The following LIN54 variants were observed in gnomAD, a reference collection of about 807,000 sequenced individuals.
The protein encoded by LIN54 is protein lin-54 homolog.
In LIN54, 9 loss-of-function variants were observed where a neutral mutation model predicts 78.7. The observed-to-expected ratio is 0.11, with a 90% CI of 0.07 to 0.20. The LOEUF is 0.20. LIN54 is among the 10% of genes least tolerant of loss of function. The probability of loss-of-function intolerance (pLI) is 1.00; values close to 1 mark genes in which losing one functional copy is unlikely to be tolerated. For missense variants in LIN54, 573 were observed against 889.9 expected, an observed-to-expected ratio of 0.64 and a Z score of 4.53; for synonymous variants, 269 against 318.4, an observed-to-expected ratio of 0.84 and a Z score of 1.65.
In LIN54 at chr4:82,979,816, A is replaced by G. The variant is rs116690328; in HGVS notation, c.685-810T>C. Among the ~76,000 whole-genome samples, 1,046 of 151,636 alleles carry G rather than the reference A, an allele frequency of 6.9e-3. 16 individuals are homozygous for G. The highest frequency in any genetic ancestry group is 0.024 in the African/African-American group (1,007 of 41,378). ...GCAGGGTGTGGTGGCGCACACCTAT[A>G]ATCTTAGCTACTCGGGAGGCTGAGG... On this transcript the variant is annotated intron_variant, in intron 2 of 12. Coordinates refer to ENST00000340417, the MANE Select transcript of LIN54 (RefSeq NM_194282.4).
At chr4:82,971,564 T>G (rs1725660957) in intron 3 of LIN54, among the ~76,000 whole-genome samples, 2 of 152,008 alleles carry the variant, frequency 1.3e-5, no homozygotes, top group South Asian at 4.1e-4. Flanking sequence ...TTTTTTACCC[T>G]TCTGAGGTTT....
chr4:82,957,968 G>A lies in LIN54; in HGVS notation c.952-11494C>T, dbSNP rs1379019645. Among the ~76,000 whole-genome samples, 3 of 152,042 alleles carry A rather than the reference G, an allele frequency of 2.0e-5. 1 individual carries two copies. Among genetic ancestry groups the A allele is most frequent in the Admixed American group, 2.0e-4 (3 of 15,262 alleles). On this transcript the variant is annotated intron_variant, in intron 4 of 12. Transcript: ENST00000340417. ...GGACTTCTTTCTTCCTCTTTCCTCTGCACTTTTATATCACCTAGTCTATAC... is the reference window on the plus strand; with the variant it reads ...GGACTTCTTTCTTCCTCTTTCCTCTACACTTTTATATCACCTAGTCTATAC...
At chr4:82,935,182 T>A (rs1722296430) in intron 11 of LIN54, among the ~76,000 whole-genome samples, 1 of 151,624 alleles carries the variant, frequency 6.6e-6, no homozygotes, top group Admixed American at 6.6e-5. Flanking sequence ...GCTCTTTGAG[T>A]GGGCATAACC....
chr4:83,007,269 C>T (rs1729479454), intron 1 of LIN54, among the ~76,000 whole-genome samples: 1 of 151,940 alleles, frequency 6.6e-6, no homozygotes, highest in African/African-American at 2.4e-5. Context: ...AAGGGATAGG[C>T]ATTGTACCCG....
rs1328677390 is a variant in LIN54, at chr4:82,926,766, C to T, written c.*1336G>A. 6.6e-6 allele frequency: 1 copy of T among 152,110 alleles called. No individual in the cohort carries two copies. The highest frequency in any genetic ancestry group is 6.6e-5 in the Admixed American group (1 of 15,260). The allele number at this position is 152,110 out of a possible 1,614,324, so 9.4% of individuals were successfully genotyped here. A position where few individuals can be genotyped will look rare whatever the true frequency, so the allele number is the denominator to read the frequency against. On this transcript the variant is annotated 3_prime_UTR_variant, in exon 13 of 13. Coordinates refer to ENST00000340417, the MANE Select transcript of LIN54 (RefSeq NM_194282.4). ...AAACTTCCCTTATAAAAAGAAATCC[C>T]ACCACAATTTTGAAAATTTTGTTAG...
chr4:82,929,737 C>T (rs1419116751), intron 12 of LIN54, among the ~76,000 whole-genome samples: 3 of 151,894 alleles, frequency 2.0e-5, no homozygotes, highest in East Asian at 1.9e-4. Flanking sequence ...ACCCAGGAGG[C>T]GGAGATTGCA....
intron 4 of LIN54, among the ~76,000 whole-genome samples, chr4:82,964,428 T>A (rs966754250): frequency 6.6e-6 from 1 of 152,226 alleles, no homozygotes; most frequent in Non-Finnish European, 1.5e-5. Context: ...AAAGTGGGAA[T>A]CCTTGTTCAA....
chr4:82,984,856 C>T lies in LIN54; in HGVS notation c.-12G>A, dbSNP rs562645846. On this transcript the variant is annotated 5_prime_UTR_variant, in exon 2 of 13. Coordinates refer to ENST00000340417, the MANE Select transcript of LIN54 (RefSeq NM_194282.4). ...GGCACCACCTCCATGATCGTTCTCC[C>T]GCTAGAAAGTTGATCAGGCACTGTA... is the stretch of plus-strand genomic sequence containing the variant. The T allele has an allele frequency of 2.2e-4, 358 of 1,594,082 alleles. 4 individuals carry two copies. In the Admixed American group the frequency reaches 5.8e-3, roughly 26 times the overall value.
At chr4:82,989,633 A>G (rs1727492100) in intron 1 of LIN54, among the ~76,000 whole-genome samples, 1 of 152,180 alleles carries the variant, frequency 6.6e-6, no homozygotes, top group Non-Finnish European at 1.5e-5. Context: ...TTTGGTCCCC[A>G]TAAGGACACA....
intron 4 of LIN54, among the ~76,000 whole-genome samples, chr4:82,955,021 T>G (rs1207108192): frequency 1.3e-5 from 2 of 152,202 alleles, no homozygotes; most frequent in African/African-American, 2.4e-5. Flanking sequence ...AAAACTGCTC[T>G]GCAAAAACCA....
Position 82,928,075 on chromosome 4 carries a change from T to A in LIN54, c.*27A>T. 1 of 1,599,986 alleles carries A rather than the reference T, an allele frequency of 6.3e-7. No individual in the cohort carries two copies. Among genetic ancestry groups the A allele is most frequent in the Non-Finnish European group, 8.6e-7 (1 of 1,167,002 alleles). On this transcript the variant is annotated 3_prime_UTR_variant, in exon 13 of 13. Transcript: ENST00000340417. The stretch of plus-strand genomic sequence containing the variant: ...CTGCACCTTAAATTTTCTGTACAGT[T>A]CCATTTATCAGTCTTTTGTGCAAGA...
intron 4 of LIN54, among the ~76,000 whole-genome samples, chr4:82,964,924 G>A (rs1725083369): frequency 6.6e-6 from 1 of 152,084 alleles, no homozygotes; most frequent in Non-Finnish European, 1.5e-5. Context: ...CTTGAACCCG[G>A]GAGGCAGAGG....
chr4:82,983,333 T>C (rs1726838713), intron 2 of LIN54, among the ~76,000 whole-genome samples: 2 of 152,044 alleles, frequency 1.3e-5, no homozygotes, highest in South Asian at 2.1e-4. Context: ...TTTCCAAGAG[T>C]AGTGGTGGCC....
intron 4 of LIN54, among the ~76,000 whole-genome samples, chr4:82,956,907 G>A (rs569748637): frequency 5.3e-5 from 8 of 152,208 alleles, no homozygotes; most frequent in Admixed American, 2.6e-4. Flanking sequence ...TTACAGGTGT[G>A]AGCCACCATG....
chr4:82,946,362 C>G lies in LIN54; in HGVS notation c.1064G>C (p.Gly355Ala). The G allele has an allele frequency of 6.2e-7, 1 of 1,614,126 alleles. No individual in the cohort carries two copies. Among genetic ancestry groups the G allele is most frequent in the Non-Finnish European group, 8.5e-7 (1 of 1,179,978 alleles). ...APNVQQIQVP[G>A]SKFHYVRLVT... ...AAGTCGGACATAATGAAACTTGCTT[C>G]CAGGCACTTGAATCTGCTGGACATT... Residue 355 changes from glycine (G) to alanine (A), a missense_variant, in exon 5 of 13, where the codon GGA becomes GCA. Around this residue, in one of 6 missense-constraint regions of LIN54, gnomAD observed 199 missense variants for 260.9 expected, o/e 0.76. Coordinates refer to ENST00000340417, the MANE Select transcript of LIN54 (RefSeq NM_194282.4).
At chr4:82,979,264 T>A (rs1726422659) in intron 2 of LIN54, among the ~76,000 whole-genome samples, 2 of 152,246 alleles carry the variant, frequency 1.3e-5, no homozygotes, top group South Asian at 4.1e-4. Context: ...GATATATGCA[T>A]ATGATGAAAA....
At chr4:83,012,670 G>A (rs1025612715), upstream of LIN54, 2 of 151,848 alleles carry the variant, frequency 1.3e-5, no homozygotes, top group Non-Finnish European at 2.9e-5. Context: ...AAGGCCCACC[G>A]GCCCGGGCTC....
chr4:82,967,420 G>A (rs143973141), intron 4 of LIN54, among the ~76,000 whole-genome samples: 27 of 152,288 alleles, frequency 1.8e-4, no homozygotes, highest in African/African-American at 6.5e-4. Flanking sequence ...GGCTGCAGCT[G>A]TCACAATGGT....
At chr4:82,945,038 T>C (rs1173242129) in intron 5 of LIN54, among the ~76,000 whole-genome samples, 1 of 152,168 alleles carries the variant, frequency 6.6e-6, no homozygotes, top group Non-Finnish European at 1.5e-5. Context: ...ATTTTTGTAT[T>C]TTTAGTAGAG....
Sources: allele counts gnomAD v4.1 joint callset (sites outside exome capture counted in the v4.1 genomes callset), GRCh38; gene constraint gnomAD v4.1.1; regional missense constraint gnomAD v4.1.1; transcripts MANE v1.5; gene names NCBI Gene and HGNC (gene_info 2026-07-23, HGNC 2026-07-21).